Variants in RICTOR observed in about 807,000 individuals in gnomAD.
RICTOR encodes rapamycin-insensitive companion of mTOR.
In RICTOR, 49 loss-of-function variants were observed where a neutral mutation model predicts 214.9. The ratio of observed to expected loss-of-function variants is 0.23; its 90% CI spans 0.18 to 0.29. The LOEUF (loss-of-function observed/expected upper bound fraction) is 0.29. Among genes scored for constraint, RICTOR ranks in the 10% least tolerant of loss-of-function variants. The pLI, the probability that RICTOR is intolerant of heterozygous loss-of-function variation, is 1.00. For synonymous variants in RICTOR, 717 were observed against 711.3 expected, an observed-to-expected ratio of 1.01 and a Z score of -0.13; for missense variants, 1,625 against 2,047.0, an observed-to-expected ratio of 0.79 and a Z score of 3.98.
At chr5:39,052,248 C>A (rs1425598141) in intron 2 of RICTOR, among the ~76,000 whole-genome samples, 1 of 152,052 alleles carries the variant, frequency 6.6e-6, no homozygotes, top group Non-Finnish European at 1.5e-5. Context: ...TGGTGGTATG[C>A]GTGTATAGTC....
rs958014318 is a variant in RICTOR, at chr5:39,034,464, G to A, written c.98-13328C>T. 2.6e-4 allele frequency among the ~76,000 whole-genome samples: 39 copies of A among 152,216 alleles called. 1 individual carries two copies. Among genetic ancestry groups the A allele is most frequent in the African/African-American group, 5.5e-4 (23 of 41,454 alleles). On this transcript the variant is annotated intron_variant, in intron 2 of 37. Transcript: ENST00000357387. The stretch of plus-strand genomic sequence containing the variant: ...ATCTCACTGGGGAGTGCCGGACAGC[G>A]GATGCAGGACAGTGGGTGCAGCGCA...
At chr5:39,074,281 G>C (rs753197237) in intron 1 of RICTOR, 48 bp downstream of exon 1, 11 of 1,570,922 alleles carry the variant, frequency 7.0e-6, no homozygotes, top group Non-Finnish European at 8.6e-7. Flanking sequence ...CAAGTGCCAG[G>C]GGTGGCGGGC....
Position 38,982,020 on chromosome 5 carries a change from C to T in RICTOR, c.600G>A (p.Glu200=), listed in dbSNP as rs747988771. 5.0e-6 allele frequency: 8 copies of T among 1,611,196 alleles called. No individual in the cohort carries two copies. The Admixed American group carries it at 1.3e-4, about 27-fold the overall frequency. ...IICELALQNP[E]VVALRGGLNT... ...TTAGTCCACCTCGAAGGGCCACCAC[C>T]TCTGGATTCTGAAGTGCTAAAAGAG... The change falls in exon 8 of 38, where the codon GAG becomes GAA. Residue 200 remains glutamate (E), a synonymous_variant. Coordinates refer to ENST00000357387, the MANE Select transcript of RICTOR (RefSeq NM_152756.5).
Position 38,950,388 on chromosome 5 carries a change from G to A in RICTOR, c.3460C>T (p.Gln1154Ter), listed in dbSNP as rs2112855271. ...GAAGTCTCTAATTGTAATGTTTTCT[G>A]TACAGTGGATATGGGTGTAAAATCA... is the stretch of plus-strand genomic sequence containing the variant. ...SDDFTPISTV[Q>*]KTLQLETSFM... Residue 1154 changes from glutamine to a stop codon, truncating the protein, a stop_gained, in exon 31 of 38, where the codon CAG (glutamine) becomes TAG (stop). Transcript: ENST00000357387. LOFTEE classifies it high-confidence loss of function. 6.2e-7 allele frequency: 1 copy of A among 1,613,114 alleles called. No individual in the cohort carries two copies. The highest frequency in any genetic ancestry group is 8.5e-7 in the Non-Finnish European group (1 of 1,179,342).
chr5:38,977,628 CGCT>C (rs1751352840), intron 9 of RICTOR, among the ~76,000 whole-genome samples: 1 of 120,516 alleles, frequency 8.3e-6, no homozygotes, highest in South Asian at 2.6e-4. Flanking sequence ...GACAGAGTGT[CGCT>C]CTGTCACCCA....
intron 7 of RICTOR, among the ~76,000 whole-genome samples, chr5:38,990,707 A>ATATATATATATC (rs1281321409): frequency 1.1e-5 from 1 of 90,702 alleles, no homozygotes; most frequent in Non-Finnish European, 2.2e-5. Flanking sequence ...TATATCAGAT[A>ATATATATATATC]TGATATATAT....
chr5:38,959,168 T>C, intron 22 of RICTOR, 27 bp downstream of exon 22: 2 of 1,519,074 alleles, frequency 1.3e-6, no homozygotes, highest in Non-Finnish European at 1.8e-6. Flanking sequence ...GTTATAAATA[T>C]AGTTTTACTG....
chr5:38,967,071 G>A, intron 14 of RICTOR, 90 bp downstream of exon 14: 2 of 999,406 alleles, frequency 2.0e-6, no homozygotes, highest in Non-Finnish European at 3.2e-6. Flanking sequence ...AAAGTGTTGG[G>A]ATTACAGGCG....
At chr5:38,999,599 ATT>A (rs890923242) in intron 5 of RICTOR, among the ~76,000 whole-genome samples, 1 of 152,096 alleles carries the variant, frequency 6.6e-6, no homozygotes, top group Non-Finnish European at 1.5e-5. Flanking sequence ...GAGGAAAAAT[ATT>A]GTTATTTCAA....
At chr5:39,011,482 T>A (rs865929598) in intron 3 of RICTOR, among the ~76,000 whole-genome samples, 19 of 152,176 alleles carry the variant, frequency 1.2e-4, no homozygotes, top group South Asian at 4.2e-4. Context: ...AGGGCCACTA[T>A]CCTCCAGACC....
In RICTOR at chr5:38,945,661, C is replaced by T. The variant is rs2112815019; in HGVS notation, c.4463G>A (p.Ser1488Asn). The stretch of plus-strand genomic sequence containing the variant: ...GATTGAATTCATTATTTCCGTAAGA[C>T]TCATCTGCTGTCGTAGCAAGTGAAA... The part of the protein sequence containing the change: ...NSFHLLRQQM[S>N]LTEIMNSIHS... The change falls in exon 34 of 38, where the codon AGT becomes AAT. Residue 1488 changes from serine to asparagine, a missense_variant. Coordinates refer to ENST00000357387, the MANE Select transcript of RICTOR (RefSeq NM_152756.5). The T allele has an allele frequency of 6.2e-7, 1 of 1,614,080 alleles. No individual in the cohort carries two copies. Among genetic ancestry groups the T allele is most frequent in the Non-Finnish European group, 8.5e-7 (1 of 1,179,938 alleles).
intron 6 of RICTOR, among the ~76,000 whole-genome samples, chr5:38,995,006 G>A (rs530462405): frequency 2.6e-5 from 4 of 152,044 alleles, no homozygotes; most frequent in Non-Finnish European, 5.9e-5. Flanking sequence ...TTTTCCGGGG[G>A]CTCCACCGCA....
intron 2 of RICTOR, among the ~76,000 whole-genome samples, chr5:39,065,268 A>T (rs935385432): frequency 7.2e-5 from 11 of 152,018 alleles, no homozygotes; most frequent in African/African-American, 2.7e-4. Flanking sequence ...AGCTGGGGGG[A>T]AGGAGCCACA....
intron 2 of RICTOR, among the ~76,000 whole-genome samples, chr5:39,066,309 A>C (rs543570786): frequency 6.6e-6 from 1 of 152,310 alleles, no homozygotes; most frequent in East Asian, 1.9e-4. Flanking sequence ...GCTGGGATGC[A>C]GGGAGCAGTG....
chr5:38,938,986 A>T lies in RICTOR; in HGVS notation c.*3318T>A. On this transcript the variant is annotated 3_prime_UTR_variant, in exon 38 of 38. Transcript: ENST00000357387. Reference sequence around the variant, plus strand: ...AGTGGAAGCATAAGACTAAAGGAGAAAAAACCTTACTTCCAAAGAACATTT... The same window carrying T: ...AGTGGAAGCATAAGACTAAAGGAGATAAAACCTTACTTCCAAAGAACATTT... 4.3e-6 allele frequency: 1 copy of T among 233,134 alleles called. No individual in the cohort carries two copies. The highest frequency in any genetic ancestry group is 8.5e-6 in the Non-Finnish European group (1 of 117,720). 14.4% of individuals were successfully genotyped at this position (233,134 alleles called of 1,614,324 possible).
chr5:38,939,617 TAAC>T lies in RICTOR; in HGVS notation c.*2684_*2686del, dbSNP rs773468622. On this transcript the variant is annotated 3_prime_UTR_variant, in exon 38 of 38. Coordinates refer to ENST00000357387, the MANE Select transcript of RICTOR (RefSeq NM_152756.5). ...TCTTGAAAAAAAGTTCAATTAGAAATAACAATTCACTTTACGATTAGAAATTCA... is the reference window on the plus strand; with the variant it reads ...TCTTGAAAAAAAGTTCAATTAGAAATAATTCACTTTACGATTAGAAATTCA... 8.6e-6 allele frequency: 2 copies of T among 231,480 alleles called. No homozygotes were observed. Among genetic ancestry groups the T allele is most frequent in the African/African-American group, 4.4e-5 (2 of 45,278 alleles). The allele number at this position is 231,480 out of a possible 1,614,324, so 14.3% of individuals were successfully genotyped here.
intron 2 of RICTOR, among the ~76,000 whole-genome samples, chr5:39,034,187 G>C (rs748973718): frequency 3.9e-5 from 6 of 152,200 alleles, no homozygotes; most frequent in Non-Finnish European, 8.8e-5. Flanking sequence ...TCTTTAATTG[G>C]TTTATTGTCA....
chr5:38,957,382 T>C (rs1209996837), intron 25 of RICTOR, among the ~76,000 whole-genome samples: 2 of 152,096 alleles, frequency 1.3e-5, no homozygotes, highest in Admixed American at 6.6e-5. Context: ...AAAAATTAGA[T>C]TATAAAATCA....
intron 4 of RICTOR, 23 bp from the exon 5 acceptor site, chr5:39,002,689 C>G (rs771244782): frequency 1.3e-6 from 2 of 1,582,622 alleles, no homozygotes; most frequent in Non-Finnish European, 1.7e-6. Flanking sequence ...AAACAAAATA[C>G]AAGTTTTGCT....
Sources: allele counts gnomAD v4.1 joint callset (sites outside exome capture counted in the v4.1 genomes callset), GRCh38; gene constraint gnomAD v4.1.1; transcripts MANE v1.5; gene names NCBI Gene and HGNC (gene_info 2026-07-23, HGNC 2026-07-21).